The following USP54 variants were observed in gnomAD, a reference collection of about 807,000 sequenced individuals.
The protein encoded by USP54 is ubiquitin specific peptidase 54.
USP54 carries 87 observed loss-of-function variants against 170.5 expected under a neutral mutation model. That is an observed-to-expected ratio of 0.51 (90% CI 0.43 to 0.61). USP54 has a LOEUF of 0.61. Ranked by LOEUF, USP54 falls within the 20% of genes least tolerant of loss-of-function variation. The pLI is 0.00. For synonymous variants in USP54, 655 were observed against 742.8 expected, an observed-to-expected ratio of 0.88 and a Z score of 1.92; for missense variants, 1,786 against 2,047.8, an observed-to-expected ratio of 0.87 and a Z score of 2.47.
rs1228503660 is a variant in USP54, at chr10:73,513,144, T to C, written c.4051+3231A>G. ...TGCAAAGATATTCAACACAGTACTATGTTATTAAAAATTACAAGTAAGCCA... is the reference window on the plus strand; with the variant it reads ...TGCAAAGATATTCAACACAGTACTACGTTATTAAAAATTACAAGTAAGCCA... On this transcript the variant is annotated intron_variant, in intron 20 of 23. Transcript: ENST00000687698. 7 of 152,204 alleles carry C rather than the reference T, an allele frequency of 4.6e-5. No individual in the cohort carries two copies. The South Asian group carries it at 1.0e-3, about 22-fold the overall frequency. 9.4% of individuals were successfully genotyped at this position (152,204 alleles called of 1,614,324 possible).
chr10:73,534,550 C>T lies in USP54; in HGVS notation c.1315+50G>A, dbSNP rs201746401. 13 of 1,581,670 alleles carry T rather than the reference C, an allele frequency of 8.2e-6. No homozygotes were observed. In the African/African-American group the frequency reaches 1.6e-4, roughly 20 times the overall value. On this transcript the variant is annotated intron_variant, in intron 12 of 23. Coordinates refer to ENST00000687698, the MANE Select transcript of USP54 (RefSeq NM_001391956.1). ...TCACAGTTTCTTTTTCTTAGGAGATCTATGCAGGAATTGATTCAGGCAAGC... is the reference window on the plus strand; with the variant it reads ...TCACAGTTTCTTTTTCTTAGGAGATTTATGCAGGAATTGATTCAGGCAAGC...
intron 1 of USP54, among the ~76,000 whole-genome samples, chr10:73,588,774 T>A (rs1013551470): frequency 6.6e-6 from 1 of 152,240 alleles, no homozygotes; most frequent in Non-Finnish European, 1.5e-5. Context: ...ACAAAAAGAT[T>A]TGTTCTGTGC....
chr10:73,594,392 G>C (rs1403256330), upstream of USP54, among the ~76,000 whole-genome samples: 1 of 151,158 alleles, frequency 6.6e-6, no homozygotes, highest in African/African-American at 2.5e-5. Flanking sequence ...CTAGATTTTA[G>C]AATGTAGTGA....
chr10:73,528,371 C>T (rs773802768), intron 15 of USP54, among the ~76,000 whole-genome samples: 1 of 152,080 alleles, frequency 6.6e-6, no homozygotes, highest in Non-Finnish European at 1.5e-5. Context: ...CCTGCCTCAG[C>T]CTCCCAAGTA....
intron 1 of USP54, among the ~76,000 whole-genome samples, chr10:73,609,452 C>A (rs533561619): frequency 6.6e-6 from 1 of 152,222 alleles, no homozygotes. Context: ...TGGCTCTCGC[C>A]TGTAATCCCA....
chr10:73,521,115 T>C (rs2061819277), intron 17 of USP54, 88 bp from the exon 18 acceptor site: 2 of 1,560,452 alleles, frequency 1.3e-6, no homozygotes, highest in African/African-American at 1.4e-5. Context: ...ACAGAGATCC[T>C]TGCTGCTGAG....
rs2057374224 is a variant in USP54 at position 73,498,226 on chromosome 10, C to A, written c.*403G>T. 1 of 156,526 alleles carries A rather than the reference C, an allele frequency of 6.4e-6. No homozygotes were observed. Among genetic ancestry groups the A allele is most frequent in the African/African-American group, 2.4e-5 (1 of 41,472 alleles). 9.7% of individuals were successfully genotyped at this position (156,526 alleles called of 1,614,324 possible). ...TATGTTGAGATGAGAATAGCACAAC[C>A]ATGGCAGTGATGCAGGGTACCAACG... On this transcript the variant is annotated 3_prime_UTR_variant, in exon 24 of 24. Transcript: ENST00000687698.
chr10:73,577,235 T>C (rs1211767031), intron 1 of USP54, among the ~76,000 whole-genome samples: 1 of 152,210 alleles, frequency 6.6e-6, no homozygotes, highest in Non-Finnish European at 1.5e-5. Context: ...TCTCCCTTCC[T>C]TCTCACCATC....
Position 73,505,346 on chromosome 10 carries a change from GCTC to G in USP54, c.4129_4131del (p.Glu1377del), listed in dbSNP as rs763887734. 297 of 1,614,136 alleles carry G rather than the reference GCTC, an allele frequency of 1.8e-4. No individual in the cohort carries two copies. The highest frequency in any genetic ancestry group is 2.5e-4 in the Non-Finnish European group (291 of 1,180,026). Reference sequence around the variant, plus strand: ...ACTGTTCTGGCTTCATGGAGACCATGCTCCATTTCTGCTGTTGAAGTCTTTGAG... The same window carrying G: ...ACTGTTCTGGCTTCATGGAGACCATGCATTTCTGCTGTTGAAGTCTTTGAG... On this transcript the variant is annotated inframe_deletion, in exon 21 of 24. Transcript: ENST00000687698.
At chr10:73,587,634 A>G (rs2077676514) in intron 1 of USP54, among the ~76,000 whole-genome samples, 1 of 152,216 alleles carries the variant, frequency 6.6e-6, no homozygotes, top group Non-Finnish European at 1.5e-5. Context: ...AACAGGTCTC[A>G]GCTCCACCAT....
upstream of USP54, chr10:73,625,981 C>T (rs2081510914): frequency 6.6e-6 from 1 of 151,832 alleles, no homozygotes; most frequent in Non-Finnish European, 1.5e-5. Context: ...GCTATAGCTA[C>T]AGGGAGCCAA....
chr10:73,552,392 G>GAT (rs1371222850), intron 4 of USP54, among the ~76,000 whole-genome samples: 2 of 147,986 alleles, frequency 1.4e-5, no homozygotes, highest in African/African-American at 5.0e-5. Context: ...CAGCCTGGGT[G>GAT]ATAGAGTGAG....
intron 1 of USP54, among the ~76,000 whole-genome samples, chr10:73,597,152 A>G (rs1454982630): frequency 6.6e-6 from 1 of 152,210 alleles, no homozygotes; most frequent in African/African-American, 2.4e-5. Flanking sequence ...GTCCTTGTTC[A>G]TTCCTGGACA....
At position 73,530,411 on chromosome 10, in the gene USP54, T is replaced by C; in HGVS notation, c.1560A>G (p.Pro520=). The change falls in exon 14 of 24, where the codon CCA becomes CCG. Residue 520 remains proline (P), a synonymous_variant. Coordinates refer to ENST00000687698, the MANE Select transcript of USP54 (RefSeq NM_001391956.1). ...ETVSNMIHNR[P]SLASQTNVGS... is the part of the protein sequence containing the mutation. The stretch of plus-strand genomic sequence containing the variant: ...CTACATTGGTCTGAGAAGCCAGGGA[T>C]GGTCTGTTATGGATCATATTGCTGA... 1 of 1,614,226 alleles carries C rather than the reference T, an allele frequency of 6.2e-7. No homozygotes were observed. Among genetic ancestry groups the C allele is most frequent in the Non-Finnish European group, 8.5e-7 (1 of 1,180,046 alleles).
chr10:73,498,882 T>G lies in USP54; in HGVS notation c.4802A>C (p.His1601Pro). ...ACTGCTAGATGGTGGGTACACAGGA[T>G]GAACAATGGGAGGGTGGGAGGGTGA... ...FHSPSHPPIV[H>P]PVYPPSSSLH... Residue 1601 changes from histidine to proline, a missense_variant, in exon 24 of 24, where the codon CAT (histidine) becomes CCT (proline). His to Pro is a moderately conservative substitution (Grantham distance 77). Transcript: ENST00000687698. 1 of 1,609,222 alleles carries G rather than the reference T, an allele frequency of 6.2e-7. No individual in the cohort carries two copies.
Position 73,541,492 on chromosome 10 carries a change from G to A in USP54, c.708C>T (p.Arg236=), listed in dbSNP as rs1265909901. The A allele has an allele frequency of 1.2e-6, 2 of 1,614,114 alleles. No individual in the cohort carries two copies. The highest frequency in any genetic ancestry group is 2.2e-5 in the East Asian group (1 of 44,878). Reference sequence around the variant, plus strand: ...TCTGTGGAGCATTCATCAACACACGGCGAATCCTGATCCTCTCTCCACAGT... The same window carrying A: ...TCTGTGGAGCATTCATCAACACACGACGAATCCTGATCCTCTCTCCACAGT... ...PSNCGERIRI[R]RVLMNAPQII... is the part of the protein sequence containing the mutation. The change falls in exon 9 of 24, where the codon CGC becomes CGT. Residue 236 remains arginine, a synonymous_variant. Transcript: ENST00000687698.
chr10:73,578,746 A>G (rs1284796847), intron 1 of USP54, among the ~76,000 whole-genome samples: 1 of 152,204 alleles, frequency 6.6e-6, no homozygotes, highest in Non-Finnish European at 1.5e-5. Context: ...CATTTAATTG[A>G]GAAATGACAG....
chr10:73,566,568 T>C (rs987284715), intron 4 of USP54, among the ~76,000 whole-genome samples: 5 of 151,450 alleles, frequency 3.3e-5, no homozygotes, highest in Admixed American at 6.6e-5. Context: ...CCATCTCTAC[T>C]AAAAATACAA....
intron 1 of USP54, among the ~76,000 whole-genome samples, chr10:73,596,354 A>G (rs111307317): frequency 0.087 from 13,157 of 152,056 alleles, 839 homozygotes; most frequent in African/African-American, 0.18. Flanking sequence ...TCAGGAGATC[A>G]AGACCATCCT....
Sources: allele counts gnomAD v4.1 joint callset (sites outside exome capture counted in the v4.1 genomes callset), GRCh38; gene constraint gnomAD v4.1.1; transcripts MANE v1.5; gene names NCBI Gene and HGNC (gene_info 2026-07-23, HGNC 2026-07-21).